The following LY75 variants were observed in gnomAD, a reference collection of about 807,000 sequenced individuals.
LY75 encodes lymphocyte antigen 75, also known as C-type lectin domain family 13 member B.
LY75 carries 185 observed loss-of-function variants against 231.7 expected under a neutral mutation model. That is an observed-to-expected ratio of 0.80 (90% confidence interval 0.71 to 0.90). The LOEUF (loss-of-function observed/expected upper bound fraction) is 0.90, where lower values mean the gene tolerates loss of function less well. LY75 is among the 40% of genes least tolerant of loss of function. The pLI is 0.00. For missense variants in LY75, 1,947 were observed against 2,050.2 expected, an observed-to-expected ratio of 0.95 and a Z score of 0.97; for synonymous variants, 668 against 689.0, an observed-to-expected ratio of 0.97 and a Z score of 0.48.
Position 159,882,186 on chromosome 2 carries a change from T to C in LY75, c.1184A>G (p.Asp395Gly). ...TGCTAGAGAATGAATGCTGATTAGGTCACTACTGAAGGCTTTGCATTTCGC... is the reference window on the plus strand; with the variant it reads ...TGCTAGAGAATGAATGCTGATTAGGCCACTACTGAAGGCTTTGCATTTCGC... ...AHAKCKAFSS[D>G]LISIHSLADV... The change falls in exon 7 of 35, where the codon GAC becomes GGC. Residue 395 changes from aspartate to glycine, a missense_variant. Coordinates refer to ENST00000263636, the MANE Select transcript of LY75 (RefSeq NM_002349.4). The C allele has an allele frequency of 6.2e-7, 1 of 1,614,010 alleles. No individual in the cohort carries two copies. Among genetic ancestry groups the C allele is most frequent in the East Asian group, 2.2e-5 (1 of 44,876 alleles).
In LY75 at chr2:159,804,134, C is replaced by T. The variant is rs190506672; in HGVS notation, c.*910G>A. ...ATAAACAATTATAAACAGAAAAAAA[C>T]TCTTCATATTTACATAATAATGGTA... On this transcript the variant is annotated 3_prime_UTR_variant, in exon 35 of 35. Transcript: ENST00000263636. 1 of 152,162 alleles carries T rather than the reference C, an allele frequency of 6.6e-6. No homozygotes were observed. Among genetic ancestry groups the T allele is most frequent in the South Asian group, 2.1e-4 (1 of 4,832 alleles). 9.4% of individuals were successfully genotyped at this position (152,162 alleles called of 1,614,324 possible).
Position 159,872,512 on chromosome 2 carries a change from A to G in LY75, c.2056T>C (p.Ser686Pro). ...RFCQALGAHLSSFSHVDEIKE... is the reference protein window; with the variant it reads ...RFCQALGAHLPSFSHVDEIKE... ...ATTTCATCCACATGGCTGAAGCTAG[A>G]AAGGTGTGCTCCAAGGGCTTGGCAG... Residue 686 changes from serine (S) to proline (P), a missense_variant, in exon 13 of 35, where the codon TCT (serine) becomes CCT (proline). Coordinates refer to ENST00000263636, the MANE Select transcript of LY75 (RefSeq NM_002349.4). 6.2e-7 allele frequency: 1 copy of G among 1,614,044 alleles called. No individual in the cohort carries two copies. The highest frequency in any genetic ancestry group is 8.5e-7 in the Non-Finnish European group (1 of 1,179,952).
At chr2:159,868,361 A>T (rs1424310376) in intron 13 of LY75, among the ~76,000 whole-genome samples, 1 of 152,194 alleles carries the variant, frequency 6.6e-6, no homozygotes, top group Non-Finnish European at 1.5e-5. Flanking sequence ...AACATAGTAC[A>T]TTCTATGGAA....
chr2:159,862,854 A>AATATTAACT (rs1684755291), intron 14 of LY75, among the ~76,000 whole-genome samples: 1 of 152,032 alleles, frequency 6.6e-6, no homozygotes, highest in East Asian at 1.9e-4. Flanking sequence ...AAGAATATAA[A>AATATTAACT]ATATTAACTA....
chr2:159,855,055 T>C, intron 16 of LY75, 116 bp from the exon 17 acceptor site: 1 of 1,322,226 alleles, frequency 7.6e-7, no homozygotes, highest in South Asian at 1.3e-5. Flanking sequence ...TCTTGTCCAT[T>C]TCTGGCCAAC....
intron 12 of LY75, among the ~76,000 whole-genome samples, chr2:159,873,760 C>CATAAATAT: frequency 1.0e-5 from 1 of 96,926 alleles, no homozygotes. Context: ...TAAAAATATA[C>CATAAATAT]ATAAATATAT....
At chr2:159,872,993 A>G (rs1207007535) in intron 12 of LY75, among the ~76,000 whole-genome samples, 1 of 152,190 alleles carries the variant, frequency 6.6e-6, no homozygotes, top group Non-Finnish European at 1.5e-5. Context: ...AATATAAGAC[A>G]CAGTGACCCA....
chr2:159,847,313 C>T (rs1397926527), intron 23 of LY75, among the ~76,000 whole-genome samples: 1 of 152,124 alleles, frequency 6.6e-6, no homozygotes, highest in Non-Finnish European at 1.5e-5. Context: ...CACGCCCAGC[C>T]TTTTTTCTCA....
intron 15 of LY75, among the ~76,000 whole-genome samples, chr2:159,859,430 T>A (rs1208514262): frequency 6.6e-6 from 1 of 152,230 alleles, no homozygotes; most frequent in African/African-American, 2.4e-5. Flanking sequence ...TCCATCTTCA[T>A]CTTTTTTCAC....
Position 159,817,392 on chromosome 2 carries a change from G to T in LY75, c.4154-360C>A, listed in dbSNP as rs573836057. 2.0e-5 allele frequency among the ~76,000 whole-genome samples: 3 copies of T among 152,254 alleles called. No homozygotes were observed. In the East Asian group the frequency reaches 5.8e-4, roughly 29 times the overall value. On this transcript the variant is annotated intron_variant, in intron 29 of 34. Coordinates refer to ENST00000263636, the MANE Select transcript of LY75 (RefSeq NM_002349.4). ...TCAGGAAGACTACTTGATAAACCAGGTCTCAAGGGTTAGGTGAAATTAAGA... is the reference window on the plus strand; with the variant it reads ...TCAGGAAGACTACTTGATAAACCAGTTCTCAAGGGTTAGGTGAAATTAAGA...
At chr2:159,853,579 G>C in intron 19 of LY75, 51 bp downstream of exon 19, 1 of 1,609,912 alleles carries the variant, frequency 6.2e-7, no homozygotes, top group Non-Finnish European at 8.5e-7. Flanking sequence ...AAAAGGAACT[G>C]CTTCTTTTAA....
At chr2:159,897,439 C>T (rs1403755981) in intron 2 of LY75, among the ~76,000 whole-genome samples, 2 of 151,352 alleles carry the variant, frequency 1.3e-5, no homozygotes, top group Non-Finnish European at 3.0e-5. Flanking sequence ...CAGAAACAGA[C>T]TGTCAACTAT....
At chr2:159,850,575 A>G in intron 21 of LY75, 108 bp from the exon 22 acceptor site, 1 of 1,438,346 alleles carries the variant, frequency 7.0e-7, no homozygotes, top group Non-Finnish European at 9.4e-7. Flanking sequence ...GGTCTGTGAG[A>G]TATGGTAATT....
chr2:159,868,126 A>G (rs1020809827), intron 13 of LY75, among the ~76,000 whole-genome samples: 1 of 152,180 alleles, frequency 6.6e-6, no homozygotes, highest in Non-Finnish European at 1.5e-5. Flanking sequence ...TGGTTTTAGA[A>G]TATGTTCTCT....
At chr2:159,879,031 C>T (rs559362287) in intron 9 of LY75, among the ~76,000 whole-genome samples, 22 of 152,250 alleles carry the variant, frequency 1.4e-4, no homozygotes, top group East Asian at 9.6e-4. Context: ...AGACATCAGC[C>T]TTGAGGATAG....
At chr2:159,854,671 C>A (rs1684497596) in intron 17 of LY75, 136 bp from the exon 18 acceptor site, 4 of 1,200,188 alleles carry the variant, frequency 3.3e-6, no homozygotes, top group Non-Finnish European at 4.6e-6. Context: ...GTACTGACTA[C>A]AAGGAACAAG....
chr2:159,855,860 TA>T (rs1684535596), intron 16 of LY75, among the ~76,000 whole-genome samples: 1 of 152,180 alleles, frequency 6.6e-6, no homozygotes, highest in South Asian at 2.1e-4. Flanking sequence ...AATTACAGAG[TA>T]AAATAGCTGG....
At position 159,850,425 on chromosome 2, in the gene LY75, C is replaced by T. The variant is rs1484187404; in HGVS notation, c.2926G>A (p.Ala976Thr). 1.2e-6 allele frequency: 2 copies of T among 1,613,470 alleles called. No homozygotes were observed. Among genetic ancestry groups the T allele is most frequent in the African/African-American group, 1.3e-5 (1 of 74,868 alleles). Residue 976 changes from alanine (A) to threonine (T), a missense_variant, in exon 22 of 35, where the codon GCA (alanine) becomes ACA (threonine). Coordinates refer to ENST00000263636, the MANE Select transcript of LY75 (RefSeq NM_002349.4). ...IKPVSLTFSQ[A>T]SDTCHSYGGT... is the part of the protein sequence containing the mutation. ...CCATAGGAGTGACAGGTATCGCTTG[C>T]TTGAGAAAATGTGAGAGACACGGGT...
intron 34 of LY75, among the ~76,000 whole-genome samples, chr2:159,805,783 G>A (rs1306619015): frequency 6.6e-6 from 1 of 152,092 alleles, no homozygotes; most frequent in Non-Finnish European, 1.5e-5. Context: ...TCCCTCTATG[G>A]ATAACTCAAA....
Sources: gnomAD v4.1 joint callset for allele counts (sites outside exome capture counted in the v4.1 genomes callset) on GRCh38, gnomAD v4.1.1 for gene constraint, MANE v1.5 for transcripts, NCBI Gene and HGNC (gene_info 2026-07-23, HGNC 2026-07-21) for gene names.